SGCD: variants seen among roughly 807,000 people sequenced by gnomAD.
SGCD encodes the protein delta-sarcoglycan.
A neutral mutation model predicts 36.6 loss-of-function variants in SGCD; 18 were observed. The observed-to-expected ratio is 0.49, with a 90% CI of 0.34 to 0.73. The LOEUF is 0.73. Ranked by LOEUF, SGCD falls within the 30% of genes least tolerant of loss-of-function variation. The probability of loss-of-function intolerance (pLI) is 0.01; values close to 1 mark genes in which losing one functional copy is unlikely to be tolerated. For synonymous variants in SGCD, 133 were observed against 130.6 expected, an observed-to-expected ratio of 1.02 and a Z score of -0.12; for missense variants, 387 against 346.7, an observed-to-expected ratio of 1.12 and a Z score of -0.92.
the SGCD span, among the ~76,000 whole-genome samples, chr5:155,730,720 C>T: frequency 1.3e-5 from 2 of 152,142 alleles, no homozygotes; most frequent in Admixed American, 6.5e-5. Context: ...ACAAAAGAAC[C>T]CTCTGCTGTT....
rs141108829 is a variant in SGCD at position 156,566,874 on chromosome 5, C to T, written c.295-22357C>T. Among the ~76,000 whole-genome samples the T allele has an allele frequency of 1.5e-3, 223 of 152,190 alleles. 1 individual carries two copies. The highest frequency in any genetic ancestry group is 3.4e-3 in the Middle Eastern group (1 of 294). On this transcript the variant is annotated intron_variant, in intron 4 of 8. Coordinates refer to ENST00000337851, the MANE Select transcript of SGCD (RefSeq NM_000337.6). ...AAAAGGAAATTGAAAGGAAAATGAC[C>T]TTCTCGTACATAATGCCAAGCATTA...
intron 3 of SGCD, among the ~76,000 whole-genome samples, chr5:156,219,176 A>T (rs986668248): frequency 6.6e-6 from 1 of 152,190 alleles, no homozygotes; most frequent in Non-Finnish European, 1.5e-5. Flanking sequence ...ACCTTGCGAA[A>T]CTCATTGGAC....
intron 1 of SGCD, among the ~76,000 whole-genome samples, chr5:156,090,057 C>T (rs1442115438): frequency 6.6e-6 from 1 of 152,082 alleles, no homozygotes; most frequent in Non-Finnish European, 1.5e-5. Context: ...CCAAGTGGAC[C>T]ACTTTGCAGC....
chr5:155,772,013 C>T, the SGCD span, among the ~76,000 whole-genome samples: 13 of 152,260 alleles, frequency 8.5e-5, no homozygotes, highest in East Asian at 1.9e-4. Flanking sequence ...GTAATAATTA[C>T]GAATCTCTTT....
Position 156,668,433 on chromosome 5 carries a change from G to A in SGCD, c.575+20897G>A, listed in dbSNP as rs150754855. On this transcript the variant is annotated intron_variant, in intron 7 of 8. Transcript: ENST00000337851. The stretch of plus-strand genomic sequence containing the variant: ...CAGTATTTCTCCAGGATGCCTTTTC[G>A]TTCTGGAGTTCTCTTAGAGTGTAGA... 2.5e-3 allele frequency among the ~76,000 whole-genome samples: 382 copies of A among 151,730 alleles called. 2 individuals carry two copies. The highest frequency in any genetic ancestry group is 8.2e-3 in the African/African-American group (338 of 41,304).
chr5:156,724,739 G>T (rs1014752682), intron 7 of SGCD, among the ~76,000 whole-genome samples: 9 of 152,120 alleles, frequency 5.9e-5, no homozygotes, highest in Non-Finnish European at 8.8e-5. Context: ...TGTTTAAGGG[G>T]TATAAATATC....
chr5:156,112,907 G>A (rs183679818), intron 1 of SGCD, among the ~76,000 whole-genome samples: 9 of 152,274 alleles, frequency 5.9e-5, no homozygotes, highest in African/African-American at 1.4e-4. Context: ...TCTTGATGGG[G>A]TTAAATATGC....
intron 3 of SGCD, among the ~76,000 whole-genome samples, chr5:156,414,882 A>G (rs190869007): frequency 3.1e-4 from 47 of 152,350 alleles, no homozygotes; most frequent in African/African-American, 1.1e-3. Flanking sequence ...AGCAAAAACA[A>G]TGAAGGCACT....
chr5:155,810,518 A>G, the SGCD span, among the ~76,000 whole-genome samples: 4 of 152,102 alleles, frequency 2.6e-5, no homozygotes, highest in Non-Finnish European at 5.9e-5. Flanking sequence ...TTATTTCATA[A>G]TTGGCTAGAC....
At chr5:156,555,433 C>A (rs930484195) in intron 4 of SGCD, among the ~76,000 whole-genome samples, 4 of 152,126 alleles carry the variant, frequency 2.6e-5, no homozygotes, top group African/African-American at 9.7e-5. Flanking sequence ...TATTCTTTTA[C>A]ATATAGCTAT....
At chr5:156,297,668 C>T (rs941714677) in intron 3 of SGCD, among the ~76,000 whole-genome samples, 15 of 150,886 alleles carry the variant, frequency 9.9e-5, no homozygotes, top group East Asian at 1.9e-4. Context: ...GGGATAGCAT[C>T]GGGAGATATA....
At chr5:156,103,133 A>G (rs992023347) in intron 1 of SGCD, among the ~76,000 whole-genome samples, 29 of 152,194 alleles carry the variant, frequency 1.9e-4, no homozygotes, top group African/African-American at 6.0e-4. Context: ...AATTTTAGCT[A>G]CTGCTAGTTG....
intron 3 of SGCD, among the ~76,000 whole-genome samples, chr5:156,349,553 T>C (rs772121613): frequency 4.6e-5 from 7 of 152,008 alleles, no homozygotes; most frequent in Non-Finnish European, 8.8e-5. Flanking sequence ...GATACCACCT[T>C]ACCCAAAGCA....
At chr5:155,806,921 T>C in the SGCD span, among the ~76,000 whole-genome samples, 6 of 152,198 alleles carry the variant, frequency 3.9e-5, no homozygotes, top group Non-Finnish European at 8.8e-5. Flanking sequence ...TTGAAGTTAT[T>C]AATATTCAGA....
chr5:156,604,274 A>G (rs1054699804), intron 6 of SGCD, among the ~76,000 whole-genome samples: 1 of 151,596 alleles, frequency 6.6e-6, no homozygotes, highest in African/African-American at 2.4e-5. Flanking sequence ...ACTTTCATCT[A>G]TGTGTTTAAT....
chr5:156,376,262 A>C (rs1292013380), intron 3 of SGCD, among the ~76,000 whole-genome samples: 3 of 152,180 alleles, frequency 2.0e-5, no homozygotes, highest in African/African-American at 7.2e-5. Context: ...GCAAACATAG[A>C]GTGAGAGAAC....
chr5:156,208,330 G>A (rs746362610), intron 3 of SGCD, among the ~76,000 whole-genome samples: 1 of 152,168 alleles, frequency 6.6e-6, no homozygotes, highest in Non-Finnish European at 1.5e-5. Context: ...TTTATATGTT[G>A]AGAAATTACT....
chr5:156,526,909 A>G (rs2082388), intron 4 of SGCD, among the ~76,000 whole-genome samples: 18,758 of 152,238 alleles, frequency 0.12, 1,333 homozygotes, highest in Admixed American at 0.17. Context: ...TGAAGCTTAT[A>G]CTAGAAATGT....
At chr5:156,708,142 T>C (rs1754823341) in intron 7 of SGCD, among the ~76,000 whole-genome samples, 1 of 152,206 alleles carries the variant, frequency 6.6e-6, no homozygotes, top group Non-Finnish European at 1.5e-5. Flanking sequence ...CCTTTTGGTA[T>C]GTAATAGCTT....
Sources: gnomAD v4.1 joint callset for allele counts (sites outside exome capture counted in the v4.1 genomes callset) on GRCh38, gnomAD v4.1.1 for gene constraint, MANE v1.5 for transcripts, NCBI Gene and HGNC (gene_info 2026-07-23, HGNC 2026-07-21) for gene names.